OPHN1: variants seen among roughly 807,000 people sequenced by gnomAD.
OPHN1 encodes the protein oligophrenin 1.
Under a neutral mutation model 60.7 loss-of-function variants are expected in OPHN1, and 11 were observed. The ratio of observed to expected loss-of-function variants is 0.18; its 90% confidence interval spans 0.11 to 0.30. The LOEUF (loss-of-function observed/expected upper bound fraction) is 0.30. Among genes scored for constraint, OPHN1 ranks in the 10% least tolerant of loss-of-function variants. OPHN1 has a pLI of 1.00. For synonymous variants in OPHN1, 226 were observed against 222.6 expected (o/e 1.02, Z -0.14); for missense variants, 449 against 611.0 (o/e 0.73, Z 2.80).
At chrX:68,199,405 C>T (rs755280618) in intron 11 of OPHN1, among the ~76,000 whole-genome samples, 4 of 110,916 alleles carry the variant, frequency 3.6e-5, no homozygotes, top group Non-Finnish European at 5.7e-5. Flanking sequence ...AGGAGGCTCA[C>T]GCAAGAGGAT....
chrX:68,334,975 C>CAATTAATT (rs749126027), intron 2 of OPHN1, among the ~76,000 whole-genome samples: 11 of 108,806 alleles, frequency 1.0e-4, no homozygotes, highest in African/African-American at 3.7e-4. Flanking sequence ...GACCCTGTCT[C>CAATTAATT]AATTAATTAA....
At chrX:68,106,061 C>A (rs967271442) in intron 18 of OPHN1, among the ~76,000 whole-genome samples, 3 of 103,361 alleles carry the variant, frequency 2.9e-5, no homozygotes, top group Admixed American at 1.1e-4. Flanking sequence ...TGCATGCACA[C>A]ACACACACAA....
intron 2 of OPHN1, among the ~76,000 whole-genome samples, chrX:68,368,348 T>C (rs1366503535): frequency 9.0e-6 from 1 of 110,759 alleles, no homozygotes; most frequent in Non-Finnish European, 1.9e-5. Flanking sequence ...CTGGGCAACA[T>C]AGCAAGACCT....
intron 17 of OPHN1, 143 bp downstream of exon 17, chrX:68,113,038 C>A: frequency 2.1e-6 from 1 of 468,376 alleles, no homozygotes; most frequent in Non-Finnish European, 3.7e-6. Flanking sequence ...AGAATACTTT[C>A]ATTTGGCAGT....
At chrX:68,256,456 C>T (rs181015462) in intron 5 of OPHN1, among the ~76,000 whole-genome samples, 1 of 111,967 alleles carries the variant, frequency 8.9e-6, no homozygotes, top group Admixed American at 9.5e-5. Flanking sequence ...TATACCCTTA[C>T]TATCTGCCTA....
At chrX:68,071,696 G>A in intron 20 of OPHN1, 1 of 522,759 alleles carries the variant, frequency 1.9e-6, no homozygotes, top group South Asian at 2.6e-5. Flanking sequence ...GAACATTGAA[G>A]TCCACTCTCA....
At chrX:68,203,858 C>T (rs5965517) in intron 10 of OPHN1, among the ~76,000 whole-genome samples, 11,983 of 112,608 alleles carry the variant, frequency 0.11, 1,541 homozygotes, top group African/African-American at 0.37. Flanking sequence ...AGTTCAGCTT[C>T]CACTTCCTCA....
chrX:68,218,209 T>C (rs1182528570), intron 6 of OPHN1, among the ~76,000 whole-genome samples: 1,638 of 69,697 alleles, frequency 0.024, 21 homozygotes, highest in Middle Eastern at 0.058. Flanking sequence ...TGAAATGAAG[T>C]GAGAAGGGAA....
chrX:68,221,023 CT>C (rs1464892058), intron 6 of OPHN1, among the ~76,000 whole-genome samples: 9 of 104,156 alleles, frequency 8.6e-5, no homozygotes, highest in Non-Finnish European at 9.9e-5. Flanking sequence ...GATTGTATAT[CT>C]AGAAAACCCC....
chrX:68,195,063 GAAGAAAGA>G (rs370870291), intron 12 of OPHN1, among the ~76,000 whole-genome samples: 4,263 of 92,086 alleles, frequency 0.046, 355 homozygotes, highest in African/African-American at 0.19. Context: ...AGGAAGGAAG[GAAGAAAGA>G]AAGAAAATAC....
chrX:68,237,902 G>A, intron 5 of OPHN1, among the ~76,000 whole-genome samples: 1 of 112,086 alleles, frequency 8.9e-6, no homozygotes, highest in East Asian at 2.8e-4. Context: ...TTGAATCAAA[G>A]TGAAGAACGT....
intron 2 of OPHN1, among the ~76,000 whole-genome samples, chrX:68,428,828 G>C (rs1286260639): frequency 1.8e-5 from 2 of 111,577 alleles, no homozygotes; most frequent in Non-Finnish European, 1.9e-5. Flanking sequence ...ACCTTTCAGA[G>C]GGATGGTATT....
At chrX:68,102,052 T>C (rs1045224781) in intron 18 of OPHN1, 1 of 112,008 alleles carries the variant, frequency 8.9e-6, no homozygotes, top group African/African-American at 3.2e-5. Context: ...TAAAACAGTA[T>C]CATAAAAAAA....
intron 5 of OPHN1, among the ~76,000 whole-genome samples, chrX:68,262,471 C>A (rs1050659907): frequency 2.7e-5 from 3 of 111,798 alleles, no homozygotes; most frequent in Non-Finnish European, 3.8e-5. Flanking sequence ...CTGCAGATCA[C>A]ACATTAAAGT....
In OPHN1 at chrX:68,194,436, C is replaced by T. The variant is rs948886288; in HGVS notation, c.1138+29G>A. ...ATCGGACAGCTGGCAGTTTATAATG[C>T]TAGTAGACCAAAAACTTAAGTGACT... On this transcript the variant is annotated intron_variant, in intron 13 of 24. Transcript: ENST00000355520. 4 of 1,172,747 alleles carry T rather than the reference C, an allele frequency of 3.4e-6. No homozygotes were observed. The South Asian group carries it at 5.4e-5, about 16-fold the overall frequency.
chrX:68,410,293 G>A (rs1189278174), intron 2 of OPHN1, among the ~76,000 whole-genome samples: 1 of 111,026 alleles, frequency 9.0e-6, no homozygotes, highest in East Asian at 2.8e-4. Context: ...CCAAGGTGCC[G>A]GTAAATTAGG....
At chrX:68,331,119 G>A (rs1236624695) in intron 2 of OPHN1, among the ~76,000 whole-genome samples, 1 of 103,647 alleles carries the variant, frequency 9.6e-6, no homozygotes, top group Non-Finnish European at 1.9e-5. Context: ...AATTTATATA[G>A]TTATGTTTAT....
At chrX:68,424,871 G>T (rs2078846567) in intron 2 of OPHN1, among the ~76,000 whole-genome samples, 1 of 111,819 alleles carries the variant, frequency 8.9e-6, no homozygotes, top group African/African-American at 3.2e-5. Flanking sequence ...GTCTTGTGAG[G>T]AACTCCAATG....
Position 68,318,905 on chromosome X carries a change from G to A in OPHN1, c.155-19809C>T, listed in dbSNP as rs1194940576. On this transcript the variant is annotated intron_variant, in intron 2 of 24. Coordinates refer to ENST00000355520, the MANE Select transcript of OPHN1 (RefSeq NM_002547.3). Reference sequence around the variant, plus strand: ...AAGATCTGTCTTAAGTTTTTATCATGATTACACTGGGATTATAAATTTTGG... The same window carrying A: ...AAGATCTGTCTTAAGTTTTTATCATAATTACACTGGGATTATAAATTTTGG... 4.5e-5 allele frequency among the ~76,000 whole-genome samples: 5 copies of A among 111,440 alleles called. No individual in the cohort carries two copies. The East Asian group carries it at 1.4e-3, about 32-fold the overall frequency.
Sources: allele counts gnomAD v4.1 joint callset (sites outside exome capture counted in the v4.1 genomes callset), GRCh38; gene constraint gnomAD v4.1.1; transcripts MANE v1.5; gene names NCBI Gene and HGNC (gene_info 2026-07-23, HGNC 2026-07-21).